The following EIF4G3 variants were observed in gnomAD, a reference collection of about 807,000 sequenced individuals.
EIF4G3 encodes eukaryotic translation initiation factor 4 gamma 3.
A neutral mutation model predicts 186.4 loss-of-function variants in EIF4G3; 34 were observed. The ratio of observed to expected loss-of-function variants is 0.18; its 90% CI spans 0.14 to 0.24. The LOEUF (loss-of-function observed/expected upper bound fraction) is 0.24. EIF4G3 is among the 10% of genes least tolerant of loss of function. EIF4G3 has a pLI of 1.00. For missense variants in EIF4G3, 1,536 were observed against 1,948.5 expected (o/e 0.79, Z 3.99); for synonymous variants, 673 against 679.5 (o/e 0.99, Z 0.15).
chr1:21,089,534 C>T (rs1234771749), intron 2 of EIF4G3, among the ~76,000 whole-genome samples: 1 of 152,110 alleles, frequency 6.6e-6, no homozygotes, highest in East Asian at 1.9e-4. Flanking sequence ...GGCACAGTGG[C>T]TCAAGCCTAT....
intron 14 of EIF4G3, among the ~76,000 whole-genome samples, chr1:20,918,338 T>C (rs183158377): frequency 3.9e-5 from 6 of 152,236 alleles, no homozygotes; most frequent in African/African-American, 1.2e-4. Flanking sequence ...GCCTCTTGAG[T>C]AGCTGGGACC....
In EIF4G3 at chr1:20,825,089, CT is replaced by C; in HGVS notation, c.4368+10del. On this transcript the variant is annotated intron_variant, in intron 33 of 36. Coordinates refer to ENST00000602326, the MANE Select transcript of EIF4G3 (RefSeq NM_001391906.1). ...TACTATCAAACAGCAAAACATAAGC[CT>C]TGTTCTTACCTGCTCCAAAAGAAAA... The C allele has an allele frequency of 1.9e-6, 3 of 1,581,982 alleles. No homozygotes were observed. Among genetic ancestry groups the C allele is most frequent in the Middle Eastern group, 1.7e-4 (1 of 5,968 alleles).
At chr1:21,166,692 C>T (rs948149556) in intron 2 of EIF4G3, among the ~76,000 whole-genome samples, 1 of 152,042 alleles carries the variant, frequency 6.6e-6, no homozygotes, top group Non-Finnish European at 1.5e-5. Flanking sequence ...GAGATCGCAC[C>T]ACTGTACTCC....
chr1:21,089,051 GTCAA>G, intron 3 of EIF4G3, 83 bp downstream of exon 3: 1 of 661,320 alleles, frequency 1.5e-6, no homozygotes, highest in Non-Finnish European at 2.8e-6. Context: ...TTTGTCATGT[GTCAA>G]TCAAACAAAC....
At chr1:20,927,145 G>T (rs1303287879) in intron 14 of EIF4G3, among the ~76,000 whole-genome samples, 5 of 151,186 alleles carry the variant, frequency 3.3e-5, no homozygotes, top group African/African-American at 1.2e-4. Context: ...CTGGGTTCAA[G>T]CAATTCTCCT....
rs2095722876 is a variant in EIF4G3 at position 20,941,730 on chromosome 1, G to A, written c.1424C>T (p.Pro475Leu). Reference sequence around the variant, plus strand: ...GTGAGGAGGAGAAGCTGGAGGAGTTGGAGGAGTTGGAGGAAAGGAAGGAAC... The same window carrying A: ...GTGAGGAGGAGAAGCTGGAGGAGTTAGAGGAGTTGGAGGAAAGGAAGGAAC... ...STVPSFPPTP[P>L]TPPASPPHTP... The change falls in exon 14 of 37, where the codon CCA (proline) becomes CTA (leucine). Residue 475 changes from proline (P) to leucine (L), a missense_variant. Pro to Leu is a moderately conservative substitution (Grantham distance 98). This residue lies in a region of EIF4G3 where 560 missense variants were observed against 547.8 expected (regional missense o/e 1.02). Transcript: ENST00000602326. The A allele has an allele frequency of 6.2e-7, 1 of 1,610,622 alleles. No individual in the cohort carries two copies. The highest frequency in any genetic ancestry group is 8.5e-7 in the Non-Finnish European group (1 of 1,178,274).
intron 3 of EIF4G3, among the ~76,000 whole-genome samples, chr1:21,054,816 A>G (rs915982891): frequency 7.9e-5 from 12 of 152,094 alleles, no homozygotes; most frequent in South Asian, 4.1e-4. Flanking sequence ...CCTGATCCCA[A>G]TACTGAAATC....
At position 20,899,686 on chromosome 1, in the gene EIF4G3, T is replaced by C. The variant is rs182171610; in HGVS notation, c.1999+11A>G. 6 of 1,613,890 alleles carry C rather than the reference T, an allele frequency of 3.7e-6. No individual in the cohort carries two copies. In the Admixed American group the frequency reaches 1.0e-4, roughly 27 times the overall value. ...ATAAAGAGGTACATAGGAAGGCAGG[T>C]ATAAACTTACCTGGTTTAAATGGAA... is the stretch of plus-strand genomic sequence containing the variant. On this transcript the variant is annotated intron_variant, in intron 16 of 36. Transcript: ENST00000602326.
At chr1:20,883,841 T>C (rs1265986490) in intron 19 of EIF4G3, among the ~76,000 whole-genome samples, 1 of 152,128 alleles carries the variant, frequency 6.6e-6, no homozygotes, top group Non-Finnish European at 1.5e-5. Flanking sequence ...AAATGACATA[T>C]TGAATGCTAG....
chr1:20,815,371 A>T (rs2060328080), intron 34 of EIF4G3, among the ~76,000 whole-genome samples: 1 of 126,086 alleles, frequency 7.9e-6, no homozygotes, highest in Non-Finnish European at 1.7e-5. Context: ...CCCATCTAGG[A>T]AGTGAGGAGC....
intron 13 of EIF4G3, among the ~76,000 whole-genome samples, chr1:20,943,974 TTGTGTGTGTGTGTGTGTGTG>T (rs1163268356): frequency 1.6e-4 from 10 of 62,468 alleles, no homozygotes; most frequent in African/African-American, 4.9e-4. Context: ...TTTATTTTTT[TTGTGTGTGTGTGTGTGTGTG>T]TGTGTGTGTG....
intron 22 of EIF4G3, among the ~76,000 whole-genome samples, chr1:20,863,150 C>T (rs1382213202): frequency 6.6e-6 from 1 of 151,970 alleles, no homozygotes; most frequent in Non-Finnish European, 1.5e-5. Context: ...TTTTTCTAGG[C>T]TCCTGGCAGC....
chr1:21,029,468 G>C (rs555415606), intron 4 of EIF4G3, among the ~76,000 whole-genome samples: 19 of 152,140 alleles, frequency 1.2e-4, no homozygotes, highest in South Asian at 6.2e-4. Context: ...ATTGAGTCGG[G>C]GGGGGGAAGG....
At chr1:21,136,917 T>A (rs771414391) in intron 2 of EIF4G3, among the ~76,000 whole-genome samples, 7 of 152,216 alleles carry the variant, frequency 4.6e-5, no homozygotes, top group Non-Finnish European at 1.0e-4. Context: ...TTACTGTAAG[T>A]GTAAAACATA....
At chr1:20,868,307 G>A (rs1452008447) in intron 20 of EIF4G3, among the ~76,000 whole-genome samples, 5 of 151,974 alleles carry the variant, frequency 3.3e-5, no homozygotes, top group African/African-American at 1.2e-4. Context: ...TCATAGTACT[G>A]AAAGCTGCGA....
chr1:20,818,036 C>A (rs1209626670), intron 33 of EIF4G3, among the ~76,000 whole-genome samples: 1 of 152,088 alleles, frequency 6.6e-6, no homozygotes, highest in Non-Finnish European at 1.5e-5. Context: ...TTTCCAACTT[C>A]TCATACCGTG....
chr1:20,821,215 CCT>C (rs770223928), intron 33 of EIF4G3, among the ~76,000 whole-genome samples: 4 of 152,192 alleles, frequency 2.6e-5, no homozygotes, highest in African/African-American at 7.2e-5. Flanking sequence ...CCAGCACTGG[CCT>C]CTCAGTCAAC....
chr1:20,957,884 G>A (rs1196698263), intron 12 of EIF4G3, among the ~76,000 whole-genome samples: 1 of 152,008 alleles, frequency 6.6e-6, no homozygotes, highest in African/African-American at 2.4e-5. Context: ...ATGACAAGCA[G>A]CAAGATTGAA....
intron 4 of EIF4G3, among the ~76,000 whole-genome samples, chr1:21,035,630 T>C (rs1013240984): frequency 6.6e-6 from 1 of 152,162 alleles, no homozygotes; most frequent in African/African-American, 2.4e-5. Flanking sequence ...CCTCCAAACT[T>C]TGGGTGCCAA....
Sources: allele counts gnomAD v4.1 joint callset (sites outside exome capture counted in the v4.1 genomes callset), GRCh38; gene constraint gnomAD v4.1.1; regional missense constraint gnomAD v4.1.1; transcripts MANE v1.5; gene names NCBI Gene and HGNC (gene_info 2026-07-23, HGNC 2026-07-21).